ATP4A: variants seen among roughly 807,000 people sequenced by gnomAD.
ATP4A encodes ATPase H+/K+ transporting subunit alpha.
Under a neutral mutation model 112.1 loss-of-function variants are expected in ATP4A, and 73 were observed. The ratio of observed to expected loss-of-function variants is 0.65; its 90% confidence interval spans 0.54 to 0.79. ATP4A has a LOEUF of 0.79. ATP4A is among the 30% of genes least tolerant of loss of function. The probability of loss-of-function intolerance (pLI) is 0.00; values close to 1 mark genes in which losing one functional copy is unlikely to be tolerated. For synonymous variants in ATP4A, 588 were observed against 588.9 expected (o/e 1.00, Z 0.02); for missense variants, 1,081 against 1,425.9 (o/e 0.76, Z 3.90).
chr19:35,559,674 A>T lies in ATP4A; in HGVS notation c.1056+131T>A. On this transcript the variant is annotated intron_variant, in intron 7 of 21. Coordinates refer to ENST00000262623, the MANE Select transcript of ATP4A (RefSeq NM_000704.3). The surrounding 1 kb of genome is among the most constrained non-coding windows in gnomAD (Gnocchi z 4.1). The stretch of plus-strand genomic sequence containing the variant: ...ACTTGCTGAATGAGTGGATGATGGG[A>T]AGGCAGGAGAATGGATGGGAGCTAA... The T allele has an allele frequency of 7.2e-7, 1 of 1,383,524 alleles. No homozygotes were observed. The highest frequency in any genetic ancestry group is 9.7e-7 in the Non-Finnish European group (1 of 1,033,068). The allele number at this position is 1,383,524 out of a possible 1,614,324, so 85.7% of individuals were successfully genotyped here. A position where few individuals can be genotyped will look rare whatever the true frequency, so the allele number is the denominator to read the frequency against.
chr19:35,563,510 G>A lies in ATP4A; in HGVS notation c.30C>T (p.Tyr10=). 1 of 1,614,074 alleles carries A rather than the reference G, an allele frequency of 6.2e-7. No homozygotes were observed. Among genetic ancestry groups the A allele is most frequent in the African/African-American group, 1.3e-5 (1 of 74,994 alleles). MGKAENYEL[Y]SVELGPGPGG... is the part of the protein sequence containing the mutation. Reference sequence around the variant, plus strand: ...CAGGGCCAGGACCCAGCTCCACCGAGTAGAGCTCATAGTTCTCCTGGGAAT... The same window carrying A: ...CAGGGCCAGGACCCAGCTCCACCGAATAGAGCTCATAGTTCTCCTGGGAAT... The change falls in exon 2 of 22, where the codon TAC becomes TAT. Residue 10 remains tyrosine (Y), a synonymous_variant. Coordinates refer to ENST00000262623, the MANE Select transcript of ATP4A (RefSeq NM_000704.3).
Position 35,560,747 on chromosome 19 carries a change from C to G in ATP4A, c.534+72G>C. On this transcript the variant is annotated intron_variant, in intron 5 of 21. Transcript: ENST00000262623. The surrounding 1 kb of genome is among the most constrained non-coding windows in gnomAD (Gnocchi z 5.1). ...GAGGCCACAGATGAGGGACAGGGGCCTGATGGAAGGAGGCTACAGGAGCAG... is the reference window on the plus strand; with the variant it reads ...GAGGCCACAGATGAGGGACAGGGGCGTGATGGAAGGAGGCTACAGGAGCAG... The G allele has an allele frequency of 4.4e-6, 7 of 1,587,844 alleles. No homozygotes were observed. Among genetic ancestry groups the G allele is most frequent in the Non-Finnish European group, 6.1e-6 (7 of 1,156,652 alleles).
In ATP4A at chr19:35,554,967, G is replaced by A. The variant is rs1270507721; in HGVS notation, c.2436C>T (p.Pro812=). The A allele has an allele frequency of 3.1e-6, 5 of 1,614,090 alleles. No homozygotes were observed. The Admixed American group carries it at 8.3e-5, about 27-fold the overall frequency. Residue 812 remains proline, a synonymous_variant, in exon 16 of 22, where the codon CCC becomes CCT. Transcript: ENST00000262623. ...TGAAGAGGATGGTGATGCACCCGAG[G>A]GGCAGGGGCACGCTGACGGTGATGT... ...LIYITVSVPL[P]LGCITILFIE...
chr19:35,559,881 G>C lies in ATP4A; in HGVS notation c.980C>G (p.Thr327Ser), dbSNP rs201382109. ...FFIVAMCIGY[T>S]FLRAMVFFMA... ...GAAGAAGACCATGGCCCGCAGGAAGGTGTAGCCAATGCACATGGCCACAAT... is the reference window on the plus strand; with the variant it reads ...GAAGAAGACCATGGCCCGCAGGAAGCTGTAGCCAATGCACATGGCCACAAT... The change falls in exon 7 of 22, where the codon ACC becomes AGC. Residue 327 changes from threonine (T) to serine (S), a missense_variant. Physicochemically the swap from Thr to Ser is moderately conservative, Grantham distance 58 (BLOSUM62 1). Coordinates refer to ENST00000262623, the MANE Select transcript of ATP4A (RefSeq NM_000704.3). The surrounding 1 kb of genome is among the most constrained non-coding windows in gnomAD (Gnocchi z 4.1). 2.4e-4 allele frequency: 382 copies of C among 1,614,234 alleles called. No individual in the cohort carries two copies. Among genetic ancestry groups the C allele is most frequent in the Non-Finnish European group, 3.0e-4 (359 of 1,180,038 alleles).
Position 35,557,150 on chromosome 19 carries a change from G to A in ATP4A, c.1694-62C>T. ...GCACACCCTTTCTTAGCAGGGCCAG[G>A]AAATGGGTAAAATAACCAGGCCCCT... On this transcript the variant is annotated intron_variant, in intron 11 of 21. Transcript: ENST00000262623. The surrounding 1 kb of genome is among the most constrained non-coding windows in gnomAD (Gnocchi z 4.4). 1.3e-6 allele frequency: 2 copies of A among 1,582,412 alleles called. No individual in the cohort carries two copies. The highest frequency in any genetic ancestry group is 2.2e-5 in the East Asian group (1 of 44,678).
chr19:35,555,271 T>A lies in ATP4A; in HGVS notation c.2221A>T (p.Ile741Phe). 6.2e-7 allele frequency: 1 copy of A among 1,614,224 alleles called. No homozygotes were observed. Among genetic ancestry groups the A allele is most frequent in the Non-Finnish European group, 8.5e-7 (1 of 1,180,040 alleles). The change falls in exon 15 of 22, where the codon ATC becomes TTC. Residue 741 changes from isoleucine to phenylalanine, a missense_variant. Physicochemically the swap from Ile to Phe is conservative, Grantham distance 21. Transcript: ENST00000262623. This position sits in a 1 kb window ranked among gnomAD's most constrained non-coding sequence, Gnocchi z 6.6. ...NDSPALKKAD[I>F]GVAMGIAGSD... is the part of the protein sequence containing the mutation. ...CCAGCGATGCCCATGGCTACTCCGA[T>A]GTCTGCCTTCTTCAGAGCTGGGGAG...
intron 4 of ATP4A, among the ~76,000 whole-genome samples, 153 bp downstream of exon 4, chr19:35,562,282 A>G (rs2071675324): frequency 6.6e-6 from 1 of 151,746 alleles, no homozygotes; most frequent in Admixed American, 6.6e-5. Context: ...CCATATCCCA[A>G]TGTCCTTCAC....
intron 3 of ATP4A, 54 bp downstream of exon 3, chr19:35,563,155 T>G (rs1001801135): frequency 6.4e-7 from 1 of 1,568,696 alleles, no homozygotes; most frequent in Non-Finnish European, 8.7e-7. Context: ...TCCATCTCCC[T>G]CTCCCTCCCT....
Position 35,562,472 on chromosome 19 carries a change from A to T in ATP4A, c.383T>A (p.Ile128Asn), listed in dbSNP as rs993615662. The T allele has an allele frequency of 3.1e-6, 5 of 1,614,088 alleles. No homozygotes were observed. The highest frequency in any genetic ancestry group is 4.2e-6 in the Non-Finnish European group (5 of 1,180,016). Residue 128 changes from isoleucine (I) to asparagine (N), a missense_variant, in exon 4 of 22, where the codon ATC becomes AAC. This residue lies in a region of ATP4A where 850 missense variants were observed against 1,068.2 expected (regional missense o/e 0.80). Transcript: ENST00000262623. ...GGTGAGGTCCCCCTCACTAGCCTGG[A>T]TGGCAAAGGCGATGAGGCAGATGGC... ...AAAICLIAFAIQASEGDLTTD... is the reference protein window; with the variant it reads ...AAAICLIAFANQASEGDLTTD...
intron 12 of ATP4A, among the ~76,000 whole-genome samples, chr19:35,556,357 C>T (rs1172810977): frequency 6.6e-6 from 1 of 152,176 alleles, no homozygotes. Flanking sequence ...CGTAGAGACA[C>T]GGGAAGGGCT....
At chr19:35,552,949 A>G in intron 18 of ATP4A, 88 bp downstream of exon 18, 1 of 1,473,820 alleles carries the variant, frequency 6.8e-7, no homozygotes, top group South Asian at 1.4e-5. Context: ...ACTCAGTCAC[A>G]CGTGGAGGAA....
Position 35,553,702 on chromosome 19 carries a change from C to T in ATP4A, c.2605+4G>A. On this transcript the variant is annotated splice_donor_region_variant and intron_variant, in intron 17 of 21. Coordinates refer to ENST00000262623, the MANE Select transcript of ATP4A (RefSeq NM_000704.3). ...TCCAGGCTCCCCGGCCCACGGGCAC[C>T]CACCAATCTGGAAGTAGGAGTAGGC... 6.2e-7 allele frequency: 1 copy of T among 1,613,354 alleles called. No homozygotes were observed. Among genetic ancestry groups the T allele is most frequent in the Non-Finnish European group, 8.5e-7 (1 of 1,179,772 alleles).
rs1599576201 is a variant in ATP4A at position 35,563,243 on chromosome 19, T to C, written c.182A>G (p.Glu61Gly). ...ACTGGTCTGGTATTTCTGTTCCAGCTCCGCCACTGACAGCTGGTGGTCGTT... is the reference window on the plus strand; with the variant it reads ...ACTGGTCTGGTATTTCTGTTCCAGCCCCGCCACTGACAGCTGGTGGTCGTT... ...EINDHQLSVA[E>G]LEQKYQTSAT... The change falls in exon 3 of 22, where the codon GAG becomes GGG. Residue 61 changes from glutamate to glycine, a missense_variant. Physicochemically the swap from Glu to Gly is moderately conservative, Grantham distance 98 (BLOSUM62 -2). Coordinates refer to ENST00000262623, the MANE Select transcript of ATP4A (RefSeq NM_000704.3). 6.2e-7 allele frequency: 1 copy of C among 1,614,008 alleles called. No homozygotes were observed. The highest frequency in any genetic ancestry group is 8.5e-7 in the Non-Finnish European group (1 of 1,179,994).
At chr19:35,561,847 CTTTTTTTTTT>C (rs71167554) in intron 4 of ATP4A, among the ~76,000 whole-genome samples, 2 of 103,816 alleles carry the variant, frequency 1.9e-5, no homozygotes, top group African/African-American at 8.4e-5. Context: ...AGTCCCATCT[CTTTTTTTTTT>C]TTTTTTTTTT....
At position 35,563,393 on chromosome 19, in the gene ATP4A, C is replaced by T. The variant is rs776631048; in HGVS notation, c.147G>A (p.Glu49=). The change falls in exon 2 of 22, where the codon GAG becomes GAA. Residue 49 remains glutamate (E), a synonymous_variant. Coordinates refer to ENST00000262623, the MANE Select transcript of ATP4A (RefSeq NM_000704.3). ...CCCAGTCAGAGCTCACAATCTCCAT[C>T]TCCTTCTTCATGTTCTCCAGCTTCT... The part of the protein sequence containing the change: ...RKEKLENMKK[E]MEINDHQLSV... The T allele has an allele frequency of 1.9e-6, 3 of 1,613,196 alleles. No individual in the cohort carries two copies. The highest frequency in any genetic ancestry group is 2.7e-5 in the African/African-American group (2 of 74,764).
In ATP4A at chr19:35,553,818, C is replaced by A. The variant is rs1178585485; in HGVS notation, c.2493G>T (p.Val831=). 6.3e-7 allele frequency: 1 copy of A among 1,580,494 alleles called. No individual in the cohort carries two copies. Among genetic ancestry groups the A allele is most frequent in the Admixed American group, 1.9e-5 (1 of 53,824 alleles). ...IELCTDIFPS[V]SLAYEKAESD... is the part of the protein sequence containing the mutation. ...TCTCGGCCTTTTCATATGCCAGGGA[C>A]ACAGATGGGAACTGGCCAGGAGTGG... is the stretch of plus-strand genomic sequence containing the variant. Residue 831 remains valine, a synonymous_variant, in exon 17 of 22, where the codon GTG becomes GTT. Transcript: ENST00000262623.
Position 35,560,223 on chromosome 19 carries a change from TGGGGAGGTGGCAGTCAC to T in ATP4A, c.787+123_787+139del, listed in dbSNP as rs201461050. The T allele has an allele frequency of 7.1e-4, 1,080 of 1,523,318 alleles. 8 individuals are homozygous for T. The African/African-American group carries it at 0.012, about 18-fold the overall frequency. The allele number at this position is 1,523,318 out of a possible 1,614,324, so 94.4% of individuals were successfully genotyped here. ...TGGGAGACAGAGAAGCAGTGTGCCC[TGGGGAGGTGGCAGTCAC>T]GGGGAGGTGGCAGTCATGCAGGAGA... On this transcript the variant is annotated intron_variant, in intron 6 of 21. Coordinates refer to ENST00000262623, the MANE Select transcript of ATP4A (RefSeq NM_000704.3). The surrounding 1 kb of genome is among the most constrained non-coding windows in gnomAD (Gnocchi z 5.1).
chr19:35,560,066 C>A lies in ATP4A; in HGVS notation c.795G>T (p.Val265=), dbSNP rs746948862. Residue 265 remains valine, a synonymous_variant, in exon 7 of 22, where the codon GTG becomes GTT. Transcript: ENST00000262623. This position sits in a 1 kb window ranked among gnomAD's most constrained non-coding sequence, Gnocchi z 5.1. ...FFSTMCLEGT[V]QGLVVNTGDR... ...CGCCCGTGTTCACCACCAGGCCCTG[C>A]ACGGTGCCTGCAGGGGGGCCAAGGC... 1 of 1,613,738 alleles carries A rather than the reference C, an allele frequency of 6.2e-7. No individual in the cohort carries two copies. Among genetic ancestry groups the A allele is most frequent in the Admixed American group, 1.7e-5 (1 of 60,012 alleles).
Position 35,555,376 on chromosome 19 carries a change from G to A in ATP4A, c.2158-42C>T. 1 of 1,599,350 alleles carries A rather than the reference G, an allele frequency of 6.3e-7. No individual in the cohort carries two copies. The highest frequency in any genetic ancestry group is 1.7e-4 in the Middle Eastern group (1 of 6,012). ...CAGGTGGTGGGTGGGTGGTCAGTGA[G>A]AGGCCGGTCCAAGACCAGCCCCGCC... On this transcript the variant is annotated intron_variant, in intron 14 of 21. Transcript: ENST00000262623. The surrounding 1 kb of genome is among the most constrained non-coding windows in gnomAD (Gnocchi z 6.6).
Sources: allele counts gnomAD v4.1 joint callset (sites outside exome capture counted in the v4.1 genomes callset), GRCh38; gene constraint gnomAD v4.1.1; regional missense constraint gnomAD v4.1.1; non-coding constraint Gnocchi (gnomAD v3.1); transcripts MANE v1.5; gene names NCBI Gene and HGNC (gene_info 2026-07-23, HGNC 2026-07-21).